Variants in TMTC1 observed in about 807,000 individuals in gnomAD.
TMTC1 encodes protein O-mannosyl-transferase TMTC1.
A neutral mutation model predicts 104.8 loss-of-function variants in TMTC1; 73 were observed. The observed-to-expected ratio is 0.70, with a 90% CI of 0.58 to 0.85. The LOEUF (loss-of-function observed/expected upper bound fraction) is 0.85, where lower values mean the gene tolerates loss of function less well. Among genes scored for constraint, TMTC1 ranks in the 40% least tolerant of loss-of-function variants. The pLI is 0.00. For synonymous variants in TMTC1, 434 were observed against 428.7 expected (o/e 1.01, Z -0.15); for missense variants, 1,035 against 1,096.1 (o/e 0.94, Z 0.79).
intron 7 of TMTC1, among the ~76,000 whole-genome samples, chr12:29,591,833 C>T (rs928378721): frequency 6.6e-6 from 1 of 152,196 alleles, no homozygotes; most frequent in Non-Finnish European, 1.5e-5. Flanking sequence ...TGTTTGGGAA[C>T]TTGTTAGCAG....
chr12:29,601,838 CT>C (rs546200177), intron 7 of TMTC1, among the ~76,000 whole-genome samples: 10,113 of 137,328 alleles, frequency 0.074, 606 homozygotes, highest in African/African-American at 0.17. Flanking sequence ...ATAATCATCT[CT>C]TTTTTTTTTT....
chr12:29,643,719 T>TATTTATAATAAATATATATATTTATTATA lies in TMTC1; in HGVS notation c.939-10384_939-10383insTATAATAAATATATATATTTATTATAAAT. ...TATATATTATATATTATATATATAA[T>TATTTATAATAAATATATATATTTATTATA]ATATAAATATATATTATAATAAATA... On this transcript the variant is annotated intron_variant, in intron 5 of 17. Coordinates refer to ENST00000539277, the MANE Select transcript of TMTC1 (RefSeq NM_001193451.2). Among the ~76,000 whole-genome samples the TATTTATAATAAATATATATATTTATTATA allele has an allele frequency of 4.2e-3, 6 of 1,438 alleles. 2 individuals are homozygous for TATTTATAATAAATATATATATTTATTATA. Among genetic ancestry groups the TATTTATAATAAATATATATATTTATTATA allele is most frequent in the African/African-American group, 8.5e-3 (3 of 354 alleles). 0.9% of individuals were successfully genotyped at this position (1,438 alleles called of 152,430 possible).
intron 9 of TMTC1, among the ~76,000 whole-genome samples, chr12:29,566,924 C>G (rs1164478190): frequency 1.3e-5 from 2 of 152,212 alleles, no homozygotes; most frequent in Non-Finnish European, 2.9e-5. Flanking sequence ...ATTCTCCCGG[C>G]TGCTAGGAGT....
chr12:29,620,122 C>T (rs2136457219), intron 6 of TMTC1, among the ~76,000 whole-genome samples: 1 of 152,292 alleles, frequency 6.6e-6, no homozygotes, highest in African/African-American at 2.4e-5. Context: ...CCTCATTGTA[C>T]TCCTGGGTTT....
chr12:29,627,890 C>T (rs376289544), intron 6 of TMTC1, among the ~76,000 whole-genome samples: 11 of 152,238 alleles, frequency 7.2e-5, no homozygotes, highest in African/African-American at 2.6e-4. Flanking sequence ...TTTCTTAAAA[C>T]AGAAAATGCA....
intron 7 of TMTC1, among the ~76,000 whole-genome samples, chr12:29,587,293 AT>A (rs1239387167): frequency 6.6e-6 from 1 of 151,824 alleles, no homozygotes; most frequent in Non-Finnish European, 1.5e-5. Context: ...CCCCTTTATC[AT>A]TTTTTATTGC....
At chr12:29,636,577 T>C (rs1313979053) in intron 5 of TMTC1, among the ~76,000 whole-genome samples, 1 of 152,124 alleles carries the variant, frequency 6.6e-6, no homozygotes, top group Admixed American at 6.6e-5. Flanking sequence ...CCCAGCACTT[T>C]GGGAGGCCGA....
intron 7 of TMTC1, among the ~76,000 whole-genome samples, chr12:29,586,664 A>G (rs939765478): frequency 1.6e-4 from 24 of 151,116 alleles, no homozygotes; most frequent in African/African-American, 5.9e-4. Flanking sequence ...AATTTTGTCA[A>G]AGGCCTTTTC....
At chr12:29,718,743 C>G (rs1384156377) in intron 5 of TMTC1, among the ~76,000 whole-genome samples, 1 of 152,050 alleles carries the variant, frequency 6.6e-6, no homozygotes, top group East Asian at 1.9e-4. Context: ...ACCATCCTGG[C>G]TAACACGGTG....
intron 9 of TMTC1, among the ~76,000 whole-genome samples, chr12:29,563,744 T>C (rs1287052345): frequency 1.3e-5 from 2 of 152,208 alleles, no homozygotes; most frequent in African/African-American, 2.4e-5. Flanking sequence ...TTCACAAGCA[T>C]GTATAAAGCA....
chr12:29,537,240 AAC>A (rs1944670286), intron 10 of TMTC1, among the ~76,000 whole-genome samples: 1 of 152,222 alleles, frequency 6.6e-6, no homozygotes, highest in Non-Finnish European at 1.5e-5. Flanking sequence ...CCTCCTCTTT[AAC>A]AGTTACCAAT....
rs1944124567 is a variant in TMTC1, at chr12:29,520,663, T to A, written c.1843A>T (p.Ser615Cys). ...CCATAGTTGTTGTGTAAATCTGAGCTGTCTGGACAGTTCTTTATTCCAGTT... is the reference window on the plus strand; with the variant it reads ...CCATAGTTGTTGTGTAAATCTGAGCAGTCTGGACAGTTCTTTATTCCAGTT... ...YQTGIKNCPD[S>C]SDLHNNYGVF... The change falls in exon 12 of 18, where the codon AGC (serine) becomes TGC (cysteine). Residue 615 changes from serine (S) to cysteine (C), a missense_variant. By Grantham distance (112) the Ser-to-Cys change is moderately radical (BLOSUM62 -1). Transcript: ENST00000539277. The A allele has an allele frequency of 1.2e-6, 2 of 1,613,654 alleles. No individual in the cohort carries two copies. Among genetic ancestry groups the A allele is most frequent in the Non-Finnish European group, 1.7e-6 (2 of 1,179,924 alleles).
At chr12:29,646,694 A>G (rs898142783) in intron 5 of TMTC1, among the ~76,000 whole-genome samples, 1 of 152,144 alleles carries the variant, frequency 6.6e-6, no homozygotes, top group African/African-American at 2.4e-5. Flanking sequence ...TGACCTTGAT[A>G]ATCTCTTTCA....
At chr12:29,601,494 A>T (rs898199932) in intron 7 of TMTC1, among the ~76,000 whole-genome samples, 14 of 152,222 alleles carry the variant, frequency 9.2e-5, no homozygotes, top group African/African-American at 3.4e-4. Flanking sequence ...GGGCTCTTAG[A>T]AGCTTGATCA....
At position 29,754,637 on chromosome 12, in the gene TMTC1, T is replaced by C. The variant is rs372344478; in HGVS notation, c.731+1072A>G. 1.2e-4 allele frequency among the ~76,000 whole-genome samples: 19 copies of C among 152,302 alleles called. No homozygotes were observed. In the South Asian group the frequency reaches 1.5e-3, roughly 12 times the overall value. On this transcript the variant is annotated intron_variant, in intron 4 of 17. Transcript: ENST00000539277. ...GATACGGAGGAAAGGCAACCTCACA[T>C]AGGCCAAAGGGAGGGCCTCTGGCTC... is the stretch of plus-strand genomic sequence containing the variant.
At chr12:29,621,421 A>C (rs531364879) in intron 6 of TMTC1, among the ~76,000 whole-genome samples, 548 of 152,354 alleles carry the variant, frequency 3.6e-3, no homozygotes, top group Non-Finnish European at 6.7e-3. Context: ...AGGGAATGAA[A>C]AATGTATGTG....
At chr12:29,582,888 G>A (rs1946021569) in intron 8 of TMTC1, among the ~76,000 whole-genome samples, 1 of 152,184 alleles carries the variant, frequency 6.6e-6, no homozygotes, top group Non-Finnish European at 1.5e-5. Context: ...GGTCGCCAGG[G>A]CTGCGGCATT....
chr12:29,666,198 C>CCTTTT (rs1010784489), intron 5 of TMTC1: 7 of 431,004 alleles, frequency 1.6e-5, no homozygotes, highest in Admixed American at 1.1e-4. Context: ...AACATCTACC[C>CCTTTT]CTTTTCTTTT....
In TMTC1 at chr12:29,647,145, G is replaced by A. The variant is rs972489894; in HGVS notation, c.939-13809C>T. Among the ~76,000 whole-genome samples the A allele has an allele frequency of 3.3e-5, 5 of 152,178 alleles. 1 individual carries two copies. The highest frequency in any genetic ancestry group is 1.5e-5 in the Non-Finnish European group (1 of 68,014). On this transcript the variant is annotated intron_variant, in intron 5 of 17. Transcript: ENST00000539277. ...TCAAGCAATTCTGCCTCAGCCTCCC[G>A]AGTAGCTGGGACTACAGGTGCATAT...
Sources: gnomAD v4.1 joint callset for allele counts (sites outside exome capture counted in the v4.1 genomes callset) on GRCh38, gnomAD v4.1.1 for gene constraint, MANE v1.5 for transcripts, NCBI Gene and HGNC (gene_info 2026-07-23, HGNC 2026-07-21) for gene names.